Variants in NUP62CL observed in about 807,000 individuals in gnomAD.
The protein encoded by NUP62CL is nucleoporin 62 C-terminal like, also known as nucleoporin-62 C-terminal-like protein.
In NUP62CL, 13 loss-of-function variants were observed where a neutral mutation model predicts 15.3. The ratio of observed to expected loss-of-function variants is 0.85; its 90% CI spans 0.55 to 1.35. The LOEUF (loss-of-function observed/expected upper bound fraction) is 1.35, where lower values mean the gene tolerates loss of function less well. NUP62CL is among the 40% of genes most tolerant of loss of function. The pLI, the probability that NUP62CL is intolerant of heterozygous loss-of-function variation, is 0.00. For synonymous variants in NUP62CL, 54 were observed against 49.2 expected, an observed-to-expected ratio of 1.10 and a Z score of -0.41; for missense variants, 123 against 130.6, an observed-to-expected ratio of 0.94 and a Z score of 0.28.
chrX:107,195,688 C>T (rs1352201138), intron 1 of NUP62CL, among the ~76,000 whole-genome samples: 1 of 111,710 alleles, frequency 9.0e-6, no homozygotes, highest in Admixed American at 9.6e-5. Context: ...TTATACACAT[C>T]TTAAAACTTT....
intron 2 of NUP62CL, among the ~76,000 whole-genome samples, chrX:107,189,943 A>AAGAAAGAAAGAG (rs1476566003): frequency 8.4e-5 from 8 of 95,504 alleles, no homozygotes; most frequent in Non-Finnish European, 1.5e-4. Context: ...GAAAGAAAGA[A>AAGAAAGAAAGAG]AGAGAATCGA....
At chrX:107,160,880 C>T (rs1664385217) in intron 4 of NUP62CL, among the ~76,000 whole-genome samples, 1 of 109,034 alleles carries the variant, frequency 9.2e-6, no homozygotes, top group Non-Finnish European at 1.9e-5. Flanking sequence ...GCAACCTACT[C>T]ATCTGACAAA....
At chrX:107,127,717 C>T (rs1925421831) in intron 8 of NUP62CL, among the ~76,000 whole-genome samples, 1 of 110,813 alleles carries the variant, frequency 9.0e-6, no homozygotes, top group African/African-American at 3.3e-5. Context: ...ACACAATGTA[C>T]TTTCATAAAC....
chrX:107,182,934 A>G (rs1467096569), intron 2 of NUP62CL, among the ~76,000 whole-genome samples: 1 of 112,234 alleles, frequency 8.9e-6, no homozygotes, highest in African/African-American at 3.2e-5. Flanking sequence ...GTGGTGGCTC[A>G]TGCCTGTAAT....
At chrX:107,165,492 C>T (rs986684021) in intron 4 of NUP62CL, among the ~76,000 whole-genome samples, 1 of 109,963 alleles carries the variant, frequency 9.1e-6, no homozygotes, top group Admixed American at 9.7e-5. Context: ...CCAATGTTAC[C>T]CTGATATCAA....
At chrX:107,125,115 T>G (rs1925357394) in intron 8 of NUP62CL, among the ~76,000 whole-genome samples, 1 of 111,884 alleles carries the variant, frequency 8.9e-6, no homozygotes, top group Admixed American at 9.5e-5. Context: ...CCCTCTCCTC[T>G]TCCTCCTCAC....
At chrX:107,201,537 A>T (rs1490502870) in intron 1 of NUP62CL, among the ~76,000 whole-genome samples, 1 of 110,860 alleles carries the variant, frequency 9.0e-6, no homozygotes, top group Non-Finnish European at 1.9e-5. Flanking sequence ...AGATTTTTTT[A>T]AAAGTGATTT....
At chrX:107,188,091 C>T (rs1927112662) in intron 2 of NUP62CL, among the ~76,000 whole-genome samples, 1 of 109,285 alleles carries the variant, frequency 9.2e-6, no homozygotes, top group African/African-American at 3.6e-5. Context: ...TAGTATTACT[C>T]ACTGACCAAC....
intron 1 of NUP62CL, among the ~76,000 whole-genome samples, chrX:107,202,164 G>C (rs765070394): frequency 4.1e-4 from 46 of 111,750 alleles, no homozygotes; most frequent in African/African-American, 1.5e-3. Flanking sequence ...TCTTTAAAAA[G>C]ATCAACACCT....
intron 1 of NUP62CL, among the ~76,000 whole-genome samples, chrX:107,205,339 A>G (rs776930120): frequency 8.9e-6 from 1 of 112,532 alleles, no homozygotes; most frequent in South Asian, 3.6e-4. Context: ...CAAGACAGCT[A>G]AACTCTGATC....
chrX:107,126,711 T>C lies in NUP62CL; in HGVS notation c.*43-2379A>G, dbSNP rs953918159. 2.0e-4 allele frequency among the ~76,000 whole-genome samples: 22 copies of C among 112,437 alleles called. No homozygotes were observed. In the Admixed American group the frequency reaches 2.0e-3, roughly 10 times the overall value. On this transcript the variant is annotated intron_variant, in intron 8 of 8. Transcript: ENST00000372466. ...ATCAACTCAAGATGGATTATCAATC[T>C]AAATGTAAGTGCTAAAACTATATTT...
At chrX:107,143,623 T>C (rs1007130365) in intron 8 of NUP62CL, among the ~76,000 whole-genome samples, 2 of 111,918 alleles carry the variant, frequency 1.8e-5, no homozygotes, top group Admixed American at 9.5e-5. Context: ...ATTAAAGATA[T>C]TGAATTATCA....
At chrX:107,199,702 C>A in intron 1 of NUP62CL, among the ~76,000 whole-genome samples, 1 of 111,998 alleles carries the variant, frequency 8.9e-6, no homozygotes, top group Non-Finnish European at 1.9e-5. Flanking sequence ...TGAAAATTCA[C>A]ATATGATTAG....
At chrX:107,143,060 C>A (rs1925810301) in intron 8 of NUP62CL, among the ~76,000 whole-genome samples, 1 of 111,591 alleles carries the variant, frequency 9.0e-6, no homozygotes, top group Admixed American at 9.5e-5. Context: ...ATTCAATTAT[C>A]TAGTACTTTG....
chrX:107,167,846 T>C, intron 3 of NUP62CL, 62 bp from the exon 4 acceptor site: 1 of 1,046,819 alleles, frequency 9.6e-7, no homozygotes, highest in Non-Finnish European at 1.3e-6. Flanking sequence ...TAAGCCTTGA[T>C]CATTCAGATT....
At chrX:107,157,118 TG>T (rs1926219187) in intron 4 of NUP62CL, among the ~76,000 whole-genome samples, 1 of 110,012 alleles carries the variant, frequency 9.1e-6, no homozygotes, top group African/African-American at 3.3e-5. Flanking sequence ...CCAAGAAATG[TG>T]GGACGATGTG....
intron 2 of NUP62CL, among the ~76,000 whole-genome samples, chrX:107,191,537 G>A (rs1174388145): frequency 9.1e-6 from 1 of 109,857 alleles, no homozygotes; most frequent in Admixed American, 9.8e-5. Context: ...GTGAAACCCT[G>A]TCTCTACTAA....
intron 4 of NUP62CL, among the ~76,000 whole-genome samples, chrX:107,156,723 C>A (rs1425291602): frequency 1.0e-5 from 1 of 99,809 alleles, no homozygotes; most frequent in Non-Finnish European, 2.0e-5. Context: ...CGCAGAGCGC[C>A]TCTCCTCCTC....
At chrX:107,142,998 A>G (rs1330646237) in intron 8 of NUP62CL, among the ~76,000 whole-genome samples, 1 of 111,812 alleles carries the variant, frequency 8.9e-6, no homozygotes, top group Non-Finnish European at 1.9e-5. Context: ...AAAGGAGGGA[A>G]ATATCAAATG....
Sources: allele counts gnomAD v4.1 joint callset (sites outside exome capture counted in the v4.1 genomes callset), GRCh38; gene constraint gnomAD v4.1.1; transcripts MANE v1.5; gene names NCBI Gene and HGNC (gene_info 2026-07-23, HGNC 2026-07-21).